The following PDE3B variants were observed in gnomAD, a reference collection of about 807,000 sequenced individuals.
PDE3B encodes phosphodiesterase 3B.
A neutral mutation model predicts 116.8 loss-of-function variants in PDE3B; 66 were observed. The ratio of observed to expected loss-of-function variants is 0.56; its 90% CI spans 0.46 to 0.69. The LOEUF is 0.69. Ranked by LOEUF, PDE3B falls within the 30% of genes least tolerant of loss-of-function variation. PDE3B has a pLI of 0.00. For synonymous variants in PDE3B, 595 were observed against 533.6 expected (o/e 1.12, Z -1.59); for missense variants, 1,384 against 1,368.1 (o/e 1.01, Z -0.18).
At chr11:14,817,960 C>G (rs964409357) in intron 5 of PDE3B, among the ~76,000 whole-genome samples, 2 of 152,090 alleles carry the variant, frequency 1.3e-5, no homozygotes, top group Non-Finnish European at 1.5e-5. Flanking sequence ...ATTTACCCAA[C>G]AAGGGGTGTT....
At chr11:14,854,317 T>C (rs1339552941) in intron 12 of PDE3B, among the ~76,000 whole-genome samples, 6 of 152,156 alleles carry the variant, frequency 3.9e-5, no homozygotes, top group Non-Finnish European at 8.8e-5. Flanking sequence ...AGAGTAACAG[T>C]TCCTGGAGTG....
At chr11:14,866,587 A>G (rs1432704329) in intron 14 of PDE3B, among the ~76,000 whole-genome samples, 1 of 152,124 alleles carries the variant, frequency 6.6e-6, no homozygotes, top group Non-Finnish European at 1.5e-5. Flanking sequence ...CTCGTAAAAG[A>G]TTTCTAATCA....
the PDE3B span, chr11:14,891,143 G>C: frequency 1.0e-6 from 1 of 985,398 alleles, no homozygotes; most frequent in South Asian, 4.7e-5. Context: ...CCGGACGTCG[G>C]GACACCCACA....
At chr11:14,670,707 T>C (rs1330240491) in intron 1 of PDE3B, among the ~76,000 whole-genome samples, 2 of 152,098 alleles carry the variant, frequency 1.3e-5, no homozygotes, top group African/African-American at 4.8e-5. Context: ...ACCATAATAG[T>C]CTATTACTTT....
intron 14 of PDE3B, among the ~76,000 whole-genome samples, chr11:14,865,129 C>T (rs1278454735): frequency 6.6e-6 from 1 of 152,006 alleles, no homozygotes; most frequent in East Asian, 1.9e-4. Context: ...CAAATAGACA[C>T]AATAAAAAAT....
At chr11:14,788,045 G>C (rs1042448554) in intron 3 of PDE3B, among the ~76,000 whole-genome samples, 1 of 151,820 alleles carries the variant, frequency 6.6e-6, no homozygotes, top group Non-Finnish European at 1.5e-5. Flanking sequence ...GAGCATTGTA[G>C]TTAATCAAGG....
chr11:14,859,286 A>G, intron 13 of PDE3B, 40 bp downstream of exon 13: 1 of 1,393,692 alleles, frequency 7.2e-7, no homozygotes, highest in Non-Finnish European at 1.0e-6. Context: ...AAAAATCTTT[A>G]TTGTCAGTGT....
intron 1 of PDE3B, among the ~76,000 whole-genome samples, chr11:14,662,611 A>G (rs1371817262): frequency 6.6e-6 from 1 of 152,228 alleles, no homozygotes; most frequent in Non-Finnish European, 1.5e-5. Flanking sequence ...AGAAGTGCTT[A>G]AAGGAGCTGA....
chr11:14,848,462 C>G (rs1289422505), intron 12 of PDE3B, among the ~76,000 whole-genome samples: 1 of 151,522 alleles, frequency 6.6e-6, no homozygotes, highest in Non-Finnish European at 1.5e-5. Flanking sequence ...CACTCCTATT[C>G]AACATAGTGT....
At chr11:14,676,944 T>C (rs1229674930) in intron 1 of PDE3B, among the ~76,000 whole-genome samples, 2 of 152,170 alleles carry the variant, frequency 1.3e-5, no homozygotes, top group African/African-American at 4.8e-5. Flanking sequence ...AGAAGTTTTA[T>C]GGTGTATGAT....
chr11:14,866,993 C>T (rs1555008156), intron 14 of PDE3B, among the ~76,000 whole-genome samples: 1 of 150,578 alleles, frequency 6.6e-6, no homozygotes, highest in Non-Finnish European at 1.5e-5. Context: ...TCACCTCAAT[C>T]GTGGTAGCTC....
intron 1 of PDE3B, among the ~76,000 whole-genome samples, chr11:14,697,861 TTAGAAA>T (rs1051712526): frequency 3.3e-5 from 5 of 152,234 alleles, no homozygotes; most frequent in Non-Finnish European, 2.9e-5. Flanking sequence ...ATTGTTGTTG[TTAGAAA>T]TAGAAATAGA....
intron 4 of PDE3B, among the ~76,000 whole-genome samples, chr11:14,794,582 G>A (rs893450714): frequency 6.6e-6 from 1 of 152,116 alleles, no homozygotes; most frequent in Admixed American, 6.5e-5. Context: ...CCAAAGTGCT[G>A]GGATTACAGG....
chr11:14,653,652 G>A (rs1187048245), intron 1 of PDE3B, among the ~76,000 whole-genome samples: 4 of 151,978 alleles, frequency 2.6e-5, no homozygotes, highest in Admixed American at 6.6e-5. Context: ...TTATTATGAT[G>A]AAAGAAATAA....
chr11:14,892,077 CGGCCCCGGG>C, the PDE3B span: 6 of 1,611,804 alleles, frequency 3.7e-6, no homozygotes, highest in Middle Eastern at 7.0e-4. Context: ...GCAGCCCCGG[CGGCCCCGGG>C]GGGAAGCCCA....
intron 1 of PDE3B, among the ~76,000 whole-genome samples, chr11:14,748,836 A>G (rs947212391): frequency 9.9e-5 from 15 of 152,054 alleles, no homozygotes; most frequent in Non-Finnish European, 1.6e-4. Context: ...GATACTATTA[A>G]AAAAAGAGCT....
At chr11:14,702,900 G>A (rs556955216) in intron 1 of PDE3B, among the ~76,000 whole-genome samples, 1 of 151,986 alleles carries the variant, frequency 6.6e-6, no homozygotes, top group East Asian at 1.9e-4. Flanking sequence ...TGCTCCTAGA[G>A]TTACTGACTC....
At chr11:14,769,101 A>G (rs577516436) in intron 1 of PDE3B, among the ~76,000 whole-genome samples, 4 of 151,570 alleles carry the variant, frequency 2.6e-5, no homozygotes, top group Non-Finnish European at 5.9e-5. Flanking sequence ...AGTGACTGCA[A>G]ATAAGATTGG....
intron 1 of PDE3B, among the ~76,000 whole-genome samples, chr11:14,746,108 T>C (rs1271667619): frequency 6.6e-6 from 1 of 152,226 alleles, no homozygotes; most frequent in East Asian, 1.9e-4. Context: ...AGAGCCTGTC[T>C]TGGCCAGGTG....
Sources: gnomAD v4.1 joint callset for allele counts (sites outside exome capture counted in the v4.1 genomes callset) on GRCh38, gnomAD v4.1.1 for gene constraint, MANE v1.5 for transcripts, NCBI Gene and HGNC (gene_info 2026-07-23, HGNC 2026-07-21) for gene names.